The following VSTM2B variants were observed in gnomAD, a reference collection of about 807,000 sequenced individuals.
The protein encoded by VSTM2B is V-set and transmembrane domain containing 2B.
Under a neutral mutation model 24.0 loss-of-function variants are expected in VSTM2B, and 24 were observed. The ratio of observed to expected loss-of-function variants is 1.00; its 90% CI spans 0.72 to 1.40. The LOEUF (loss-of-function observed/expected upper bound fraction) is 1.40, where lower values mean the gene tolerates loss of function less well. VSTM2B is among the 40% of genes most tolerant of loss of function. The pLI is 0.00. For synonymous variants in VSTM2B, 226 were observed against 194.4 expected (o/e 1.16, Z -1.35); for missense variants, 399 against 416.4 (o/e 0.96, Z 0.36).
Position 29,527,193 on chromosome 19 carries a change from C to A in VSTM2B, c.83-18C>A. ...GACCTACAGCTGGTCACGCCTCTCT[C>A]TCTCTCCCCACCCCCAGCTGCATTC... On this transcript the variant is annotated intron_variant, in intron 1 of 4. Transcript: ENST00000335523. 1 of 1,544,100 alleles carries A rather than the reference C, an allele frequency of 6.5e-7. No individual in the cohort carries two copies. Among genetic ancestry groups the A allele is most frequent in the Non-Finnish European group, 8.7e-7 (1 of 1,143,322 alleles).
chr19:29,529,965 G>A lies in VSTM2B; in HGVS notation c.444G>A (p.Val148=). The stretch of plus-strand genomic sequence containing the variant: ...ACAAGGCCCAGGCGATGCTGCGCGT[G>A]CTCTCGCGCTTCGCGCCGCCCAACA... ...QEHKAQAMLR[V]LSRFAPPNMQ... is the part of the protein sequence containing the mutation. Residue 148 remains valine, a synonymous_variant, in exon 4 of 5, where the codon GTG becomes GTA. Transcript: ENST00000335523. The A allele has an allele frequency of 6.5e-7, 1 of 1,547,644 alleles. No individual in the cohort carries two copies.
At position 29,527,395 on chromosome 19, in the gene VSTM2B, G is replaced by A. The variant is rs1247696870; in HGVS notation, c.267G>A (p.Lys89=). ...TCAGCGTGCCGGGCGCCCGGAGCAA[G>A]GTAACCCGCCGCCCACGCGGTACCG... The part of the protein sequence containing the change: ...LALSVPGARS[K]VTNKDATKIS... Residue 89 remains lysine (K), a splice_region_variant and synonymous_variant, in exon 2 of 5, where the codon AAG becomes AAA. Coordinates refer to ENST00000335523, the MANE Select transcript of VSTM2B (RefSeq NM_001146339.2). 5 of 1,524,352 alleles carry A rather than the reference G, an allele frequency of 3.3e-6. No homozygotes were observed. The highest frequency in any genetic ancestry group is 1.4e-5 in the African/African-American group (1 of 70,800). 94.4% of individuals were successfully genotyped at this position (1,524,352 alleles called of 1,614,324 possible). A position where few individuals can be genotyped will look rare whatever the true frequency, so the allele number is the denominator to read the frequency against.
chr19:29,528,426 AT>A lies in VSTM2B; in HGVS notation c.268-3del. 1 of 1,551,190 alleles carries A rather than the reference AT, an allele frequency of 6.4e-7. No individual in the cohort carries two copies. The highest frequency in any genetic ancestry group is 8.7e-7 in the Non-Finnish European group (1 of 1,146,974). On this transcript the variant is annotated splice_polypyrimidine_tract_variant and splice_region_variant and intron_variant, in intron 2 of 4. Transcript: ENST00000335523. ...CTCACGTCTCTCTCTCCCTCTTTGC[AT>A]TTTAGGTAACAAATAAGGATGCAAC...
chr19:29,527,461 C>A, intron 2 of VSTM2B, 66 bp downstream of exon 2: 1 of 1,367,782 alleles, frequency 7.3e-7, no homozygotes, highest in Non-Finnish European at 9.5e-7. Context: ...AAGGCTAACC[C>A]AGGGAGGGAA....
At chr19:29,563,027 T>C (rs2145523960) in intron 4 of VSTM2B, among the ~76,000 whole-genome samples, 1 of 152,040 alleles carries the variant, frequency 6.6e-6, no homozygotes, top group East Asian at 1.9e-4. Context: ...AAGGTTGCTG[T>C]GGAAAAAAGA....
intron 4 of VSTM2B, among the ~76,000 whole-genome samples, chr19:29,562,034 C>T (rs935536700): frequency 4.8e-4 from 73 of 152,142 alleles, no homozygotes; most frequent in Non-Finnish European, 3.7e-4. Context: ...CGCTTCTCAG[C>T]CGGGGCCCAG....
In VSTM2B at chr19:29,563,981, C is replaced by A. The variant is rs953441213; in HGVS notation, c.*47C>A. ...TCTCAGAGGCCGCACATGACCTGCC[C>A]GGGGCCCTCGGTGAGGACCATGTCG... On this transcript the variant is annotated 3_prime_UTR_variant, in exon 5 of 5. Transcript: ENST00000335523. 2.0e-6 allele frequency: 3 copies of A among 1,487,298 alleles called. No individual in the cohort carries two copies. 92.1% of individuals were successfully genotyped at this position (1,487,298 alleles called of 1,614,324 possible).
chr19:29,529,010 C>T (rs1969657508), intron 3 of VSTM2B: 1 of 985,462 alleles, frequency 1.0e-6, no homozygotes, highest in Non-Finnish European at 1.2e-6. Flanking sequence ...GGGTTGCTAA[C>T]TCTGGGAGGA....
rs1969696303 is a variant in VSTM2B, at chr19:29,530,007, C to G, written c.486C>G (p.Ala162=). The change falls in exon 4 of 5, where the codon GCC becomes GCG. Residue 162 remains alanine, a synonymous_variant. Transcript: ENST00000335523. ...FAPPNMQAAE[A]VSHIQSSGPR... is the part of the protein sequence containing the mutation. The stretch of plus-strand genomic sequence containing the variant: ...CGCCCAACATGCAGGCCGCCGAGGC[C>G]GTGTCCCACATCCAGAGCAGCGGCC... 3.2e-6 allele frequency: 5 copies of G among 1,540,456 alleles called. No individual in the cohort carries two copies. Among genetic ancestry groups the G allele is most frequent in the Non-Finnish European group, 4.4e-6 (5 of 1,146,206 alleles).
intron 4 of VSTM2B, among the ~76,000 whole-genome samples, chr19:29,560,761 T>C (rs1249649683): frequency 6.6e-6 from 1 of 152,216 alleles, no homozygotes; most frequent in Non-Finnish European, 1.5e-5. Flanking sequence ...GAGGCTGTGA[T>C]AGTGCCAATG....
chr19:29,525,958 C>A (rs1264137947), upstream of VSTM2B, among the ~76,000 whole-genome samples: 1 of 151,750 alleles, frequency 6.6e-6, no homozygotes, highest in Non-Finnish European at 1.5e-5. Context: ...CAGCCACTGA[C>A]CGCCCCCTCC....
At chr19:29,528,802 C>A (rs759167045) in intron 3 of VSTM2B, 74 of 661,228 alleles carry the variant, frequency 1.1e-4, no homozygotes, top group Non-Finnish European at 1.3e-4. Context: ...GCACCGGGAG[C>A]GCGCGGCTGC....
rs199535730 is a variant in VSTM2B at position 29,553,075 on chromosome 19, T to TC, written c.770-10764dup. Among the ~76,000 whole-genome samples, 621 of 151,702 alleles carry TC rather than the reference T, an allele frequency of 4.1e-3. 1 individual carries two copies. Among genetic ancestry groups the TC allele is most frequent in the Admixed American group, 7.9e-3 (120 of 15,226 alleles). ...ATCTGGGCAGTCTGGACAAGTGAGA[T>TC]CCCCCCCAGCATAGCACACCCCCTC... On this transcript the variant is annotated intron_variant, in intron 4 of 4. Transcript: ENST00000335523.
At chr19:29,537,024 T>C (rs1347521310) in intron 4 of VSTM2B, among the ~76,000 whole-genome samples, 1 of 152,212 alleles carries the variant, frequency 6.6e-6, no homozygotes, top group Non-Finnish European at 1.5e-5. Context: ...GCATTATCTT[T>C]TTTATTCCCC....
At chr19:29,531,606 C>T (rs1008683634) in intron 4 of VSTM2B, among the ~76,000 whole-genome samples, 2 of 152,326 alleles carry the variant, frequency 1.3e-5, no homozygotes, top group Middle Eastern at 3.4e-3. Context: ...CGCCTCAGTG[C>T]GTCTCAGGCT....
chr19:29,560,810 C>T (rs1215366371), intron 4 of VSTM2B, among the ~76,000 whole-genome samples: 5 of 152,180 alleles, frequency 3.3e-5, no homozygotes, highest in African/African-American at 1.2e-4. Flanking sequence ...TAAATGTCTC[C>T]TGAAATCTCC....
At chr19:29,562,811 C>T (rs1461382210) in intron 4 of VSTM2B, among the ~76,000 whole-genome samples, 1 of 152,118 alleles carries the variant, frequency 6.6e-6, no homozygotes, top group South Asian at 2.1e-4. Context: ...CGACGGGGAG[C>T]CAGGCGGGGG....
In VSTM2B at chr19:29,526,671, C is replaced by T. The variant is rs773613213; in HGVS notation, c.82+6C>T. ...GCTGCTCTTCGTGGCCGACGGTGAG[C>T]GCGGGAACTTTGCTGCCGCTGTGGA... On this transcript the variant is annotated splice_donor_region_variant and intron_variant, in intron 1 of 4. Transcript: ENST00000335523. This position sits in a 1 kb window ranked among gnomAD's most constrained non-coding sequence, Gnocchi z 4.1. 37 of 1,527,108 alleles carry T rather than the reference C, an allele frequency of 2.4e-5. No homozygotes were observed. Among genetic ancestry groups the T allele is most frequent in the Non-Finnish European group, 4.4e-6 (5 of 1,142,262 alleles). The allele number at this position is 1,527,108 out of a possible 1,614,324, so 94.6% of individuals were successfully genotyped here.
At chr19:29,529,590 G>A (rs980406120) in intron 3 of VSTM2B, among the ~76,000 whole-genome samples, 24 of 152,290 alleles carry the variant, frequency 1.6e-4, no homozygotes, top group African/African-American at 5.5e-4. Flanking sequence ...TAACGTGATG[G>A]GGACGTGGGG....
Sources: allele counts gnomAD v4.1 joint callset (sites outside exome capture counted in the v4.1 genomes callset), GRCh38; gene constraint gnomAD v4.1.1; non-coding constraint Gnocchi (gnomAD v3.1); transcripts MANE v1.5; gene names NCBI Gene and HGNC (gene_info 2026-07-23, HGNC 2026-07-21).